CTNNBL1: variants seen among roughly 807,000 people sequenced by gnomAD.
The protein encoded by CTNNBL1 is beta-catenin-like protein 1.
In CTNNBL1, 31 loss-of-function variants were observed where a neutral mutation model predicts 72.7. That is an observed-to-expected ratio of 0.43 (90% CI 0.32 to 0.58). The LOEUF (loss-of-function observed/expected upper bound fraction) is 0.58. Among genes scored for constraint, CTNNBL1 ranks in the 20% least tolerant of loss-of-function variants. The probability of loss-of-function intolerance (pLI) is 0.08; values close to 1 mark genes in which losing one functional copy is unlikely to be tolerated. For synonymous variants in CTNNBL1, 240 were observed against 267.3 expected, an observed-to-expected ratio of 0.90 and a Z score of 1.00; for missense variants, 534 against 725.1, an observed-to-expected ratio of 0.74 and a Z score of 3.03.
intron 1 of CTNNBL1, among the ~76,000 whole-genome samples, chr20:37,728,572 A>G (rs2073104439): frequency 6.6e-6 from 1 of 152,260 alleles, no homozygotes; most frequent in Admixed American, 6.5e-5. Context: ...AATCTCAGGA[A>G]TGATTCAAAA....
chr20:37,815,024 C>T (rs1223690941), intron 11 of CTNNBL1, among the ~76,000 whole-genome samples: 1 of 151,700 alleles, frequency 6.6e-6, no homozygotes, highest in East Asian at 1.9e-4. Flanking sequence ...GAGTTAATTA[C>T]TGAAAACATC....
chr20:37,721,404 G>T (rs560034452), intron 1 of CTNNBL1, among the ~76,000 whole-genome samples: 4 of 152,124 alleles, frequency 2.6e-5, no homozygotes, highest in African/African-American at 7.2e-5. Context: ...TGACTTTAAG[G>T]TACCCTGTGA....
At chr20:37,859,104 G>C (rs1020003135) in intron 13 of CTNNBL1, among the ~76,000 whole-genome samples, 6 of 152,108 alleles carry the variant, frequency 3.9e-5, no homozygotes, top group Non-Finnish European at 4.4e-5. Context: ...GCCAGGCGTG[G>C]TGTCTCACAC....
At chr20:37,801,387 A>G (rs2073822202) in intron 10 of CTNNBL1, among the ~76,000 whole-genome samples, 1 of 152,144 alleles carries the variant, frequency 6.6e-6, no homozygotes, top group Non-Finnish European at 1.5e-5. Flanking sequence ...CAAGATAGGA[A>G]ATGACTGACT....
chr20:37,710,339 TATG>T (rs895920495), intron 1 of CTNNBL1, among the ~76,000 whole-genome samples: 4 of 152,214 alleles, frequency 2.6e-5, no homozygotes, highest in African/African-American at 9.6e-5. Flanking sequence ...GTTTGTTTGA[TATG>T]ATATCTAACC....
intron 3 of CTNNBL1, 119 bp downstream of exon 3, chr20:37,737,603 C>T: frequency 1.6e-6 from 1 of 642,446 alleles, no homozygotes; most frequent in South Asian, 2.0e-5. Flanking sequence ...GGATGACCCC[C>T]ATGTTTGGGA....
chr20:37,757,604 T>C lies in CTNNBL1; in HGVS notation c.512T>C (p.Ile171Thr), dbSNP rs2073376617. ...VVDLLQELTD[I>T]DTLHESEEGA... The stretch of plus-strand genomic sequence containing the variant: ...GATTTGCTTCAGGAATTAACAGATA[T>C]AGACACCCTCCATGAGAGTGAAGAG... The change falls in exon 5 of 16, where the codon ATA (isoleucine) becomes ACA (threonine). Residue 171 changes from isoleucine (I) to threonine (T), a missense_variant. By Grantham distance (89) the Ile-to-Thr change is moderately conservative (BLOSUM62 -1). Transcript: ENST00000361383. 1.9e-6 allele frequency: 3 copies of C among 1,613,908 alleles called. No homozygotes were observed. The highest frequency in any genetic ancestry group is 2.5e-6 in the Non-Finnish European group (3 of 1,179,812).
At chr20:37,772,142 T>A (rs2073530772) in intron 7 of CTNNBL1, among the ~76,000 whole-genome samples, 1 of 152,210 alleles carries the variant, frequency 6.6e-6, no homozygotes, top group African/African-American at 2.4e-5. Context: ...GCTGATTTTC[T>A]TTCTCCAAAT....
At position 37,757,663 on chromosome 20, in the gene CTNNBL1, T is replaced by G. The variant is rs1366812303; in HGVS notation, c.564+7T>G. 6.2e-7 allele frequency: 1 copy of G among 1,608,208 alleles called. No individual in the cohort carries two copies. The highest frequency in any genetic ancestry group is 1.7e-5 in the Admixed American group (1 of 59,900). On this transcript the variant is annotated splice_region_variant and intron_variant, in intron 5 of 15. Transcript: ENST00000361383. ...AGTGCTCATCGATGCTCTGGTAAGTTGCACATCCTCTGGGGTTTTGCAGGT... is the reference window on the plus strand; with the variant it reads ...AGTGCTCATCGATGCTCTGGTAAGTGGCACATCCTCTGGGGTTTTGCAGGT...
chr20:37,696,755 T>C (rs753894881), intron 1 of CTNNBL1, among the ~76,000 whole-genome samples: 2 of 152,110 alleles, frequency 1.3e-5, no homozygotes, highest in Non-Finnish European at 2.9e-5. Context: ...GTGAAAATAA[T>C]GTACAGTACC....
chr20:37,790,998 A>C (rs1407711389), intron 10 of CTNNBL1, among the ~76,000 whole-genome samples: 1 of 152,152 alleles, frequency 6.6e-6, no homozygotes, highest in African/African-American at 2.4e-5. Flanking sequence ...ATTTTATGTA[A>C]ATGGAGTCAT....
rs57358123 is a variant in CTNNBL1, at chr20:37,696,435, CTT to C, written c.30+2307_30+2308del. On this transcript the variant is annotated intron_variant, in intron 1 of 15. Transcript: ENST00000361383. ...TTAGTATGAAAATAATGTACAATAT[CTT>C]TTTTTTTTTTTTTTTTTTTTTTTGA... 1.8e-3 allele frequency among the ~76,000 whole-genome samples: 158 copies of C among 89,580 alleles called. 1 individual carries two copies. The highest frequency in any genetic ancestry group is 0.014 in the East Asian group (40 of 2,790). 58.8% of individuals were successfully genotyped at this position (89,580 alleles called of 152,430 possible).
intron 15 of CTNNBL1, among the ~76,000 whole-genome samples, chr20:37,861,001 G>A (rs1196616426): frequency 6.6e-6 from 1 of 152,194 alleles, no homozygotes; most frequent in Non-Finnish European, 1.5e-5. Flanking sequence ...TCCATCGGGG[G>A]TCTTGGAACA....
chr20:37,744,078 T>A (rs1018306823), intron 3 of CTNNBL1, among the ~76,000 whole-genome samples: 2 of 152,154 alleles, frequency 1.3e-5, no homozygotes, highest in Non-Finnish European at 1.5e-5. Context: ...GAGATTAATT[T>A]CCTTAATATA....
intron 2 of CTNNBL1, among the ~76,000 whole-genome samples, chr20:37,733,791 T>G (rs1031681796): frequency 2.0e-5 from 3 of 152,222 alleles, no homozygotes; most frequent in Admixed American, 1.3e-4. Context: ...TTTGAAATTC[T>G]AGTTGTTTAT....
intron 1 of CTNNBL1, among the ~76,000 whole-genome samples, chr20:37,708,901 C>T (rs2344480): frequency 1.1e-4 from 17 of 151,940 alleles, no homozygotes; most frequent in East Asian, 9.7e-4. Flanking sequence ...CACTTTGGGA[C>T]GCCGAGGTGG....
intron 15 of CTNNBL1, among the ~76,000 whole-genome samples, chr20:37,870,680 A>T (rs1487098293): frequency 2.0e-5 from 3 of 152,070 alleles, no homozygotes. Flanking sequence ...CCCACACAGC[A>T]TTGAGAGGGA....
chr20:37,841,898 A>G (rs2072307195), intron 12 of CTNNBL1, among the ~76,000 whole-genome samples: 2 of 152,356 alleles, frequency 1.3e-5, no homozygotes, highest in South Asian at 4.1e-4. Context: ...ATTTTTAAAA[A>G]AAGATCAGCT....
intron 11 of CTNNBL1, among the ~76,000 whole-genome samples, chr20:37,807,830 G>A (rs183459785): frequency 3.9e-5 from 6 of 152,250 alleles, no homozygotes; most frequent in Non-Finnish European, 8.8e-5. Context: ...TGCCTCCTTG[G>A]TTTTAAAAGA....
Sources: gnomAD v4.1 joint callset for allele counts (sites outside exome capture counted in the v4.1 genomes callset) on GRCh38, gnomAD v4.1.1 for gene constraint, MANE v1.5 for transcripts, NCBI Gene and HGNC (gene_info 2026-07-23, HGNC 2026-07-21) for gene names.